MTCL1: variants seen among roughly 807,000 people sequenced by gnomAD.
The protein encoded by MTCL1 is microtubule cross-linking factor 1.
MTCL1 carries 79 observed loss-of-function variants against 141.4 expected under a neutral mutation model. That is an observed-to-expected ratio of 0.56 (90% CI 0.47 to 0.67). MTCL1 has a LOEUF of 0.67. Among genes scored for constraint, MTCL1 ranks in the 30% least tolerant of loss-of-function variants. The pLI, the probability that MTCL1 is intolerant of heterozygous loss-of-function variation, is 0.00. For synonymous variants in MTCL1, 914 were observed against 875.8 expected (o/e 1.04, Z -0.77); for missense variants, 2,177 against 2,113.9 (o/e 1.03, Z -0.59).
chr18:8,832,070 G>T, exon 17 of MTCL1: 2 of 509,244 alleles, frequency 3.9e-6, no homozygotes, highest in Non-Finnish European at 6.9e-6. Context: ...TATATTAAAC[G>T]AAAAGGTAAA....
chr18:8,752,984 C>T (rs1598493562), intron 4 of MTCL1, among the ~76,000 whole-genome samples: 1 of 152,288 alleles, frequency 6.6e-6, no homozygotes, highest in East Asian at 1.9e-4. Flanking sequence ...CATGGCCATC[C>T]TGACCTGCTC....
exon 7 of MTCL1, chr18:8,785,986 C>T (rs754073208): frequency 1.1e-5 from 18 of 1,605,500 alleles, no homozygotes; most frequent in South Asian, 2.2e-5. Context: ...CCCGAGGGGA[C>T]GAGCGGGAGA....
At chr18:8,784,471 C>T (rs2096543774) in exon 6 of MTCL1, 1 of 1,556,876 alleles carries the variant, frequency 6.4e-7, no homozygotes, top group African/African-American at 1.4e-5. Flanking sequence ...ACTCTGAGTA[C>T]CTAGTGACCC....
intron 10 of MTCL1, among the ~76,000 whole-genome samples, chr18:8,803,587 C>T (rs1487313191): frequency 1.8e-4 from 27 of 152,176 alleles, no homozygotes; most frequent in Admixed American, 1.8e-3. Context: ...ATGGCAGGAG[C>T]TTGCCTGGCT....
upstream of MTCL1, among the ~76,000 whole-genome samples, chr18:8,716,569 A>ATTTT (rs138840096): frequency 2.1e-3 from 223 of 103,824 alleles, no homozygotes; most frequent in Non-Finnish European, 3.2e-3. Flanking sequence ...CTTTTTGTTC[A>ATTTT]TTTTTTTTTT....
chr18:8,812,800 T>G (rs560616508), intron 11 of MTCL1, 179 bp from the exon 11 acceptor site: 2 of 721,396 alleles, frequency 2.8e-6, no homozygotes, highest in South Asian at 4.1e-5. Flanking sequence ...TAACATTCTT[T>G]GTGACTGTGT....
chr18:8,812,843 A>C, intron 11 of MTCL1, 136 bp from the exon 11 acceptor site: 1 of 1,121,636 alleles, frequency 8.9e-7, no homozygotes, highest in Non-Finnish European at 1.3e-6. Context: ...TAAAAATAAA[A>C]TTTGTTTATA....
chr18:8,761,837 A>G (rs180994424), intron 4 of MTCL1, among the ~76,000 whole-genome samples: 3 of 152,290 alleles, frequency 2.0e-5, no homozygotes, highest in East Asian at 1.9e-4. Flanking sequence ...CCATGATTCA[A>G]TTACCTCCCT....
At chr18:8,769,993 C>G (rs2096478130) in intron 4 of MTCL1, among the ~76,000 whole-genome samples, 1 of 152,210 alleles carries the variant, frequency 6.6e-6, no homozygotes, top group Admixed American at 6.5e-5. Flanking sequence ...TATAATAGTC[C>G]TTTGTGCTCT....
chr18:8,766,910 C>A (rs534207977), intron 4 of MTCL1, among the ~76,000 whole-genome samples: 6 of 152,306 alleles, frequency 3.9e-5, no homozygotes, highest in African/African-American at 1.4e-4. Flanking sequence ...CATTCCCAGC[C>A]CTCACTGGCT....
At chr18:8,746,024 C>G (rs2096335476) in intron 4 of MTCL1, among the ~76,000 whole-genome samples, 1 of 152,216 alleles carries the variant, frequency 6.6e-6, no homozygotes, top group African/African-American at 2.4e-5. Context: ...TTTCGCTTAG[C>G]ATAATGTCCT....
intron 10 of MTCL1, among the ~76,000 whole-genome samples, chr18:8,798,498 C>G (rs147901777): frequency 9.8e-5 from 15 of 152,342 alleles, no homozygotes; most frequent in Middle Eastern, 6.8e-3. Context: ...TGTCAGCCCA[C>G]TCTTTCATTT....
At chr18:8,776,384 T>C (rs565923380) in intron 4 of MTCL1, among the ~76,000 whole-genome samples, 2 of 152,298 alleles carry the variant, frequency 1.3e-5, no homozygotes, top group African/African-American at 4.8e-5. Context: ...CTTCACACTT[T>C]CCCTTTGCAG....
rs1212451814 is a variant in MTCL1, at chr18:8,779,654, T to TC, written c.417+1764dup. 6.6e-6 allele frequency among the ~76,000 whole-genome samples: 1 copy of TC among 152,034 alleles called. No homozygotes were observed. The highest frequency in any genetic ancestry group is 2.4e-5 in the African/African-American group (1 of 41,398). On this transcript the variant is annotated intron_variant, in intron 5 of 16. Transcript: ENST00000359865. The surrounding 1 kb of genome is among the most constrained non-coding windows in gnomAD (Gnocchi z 4.1). ...CTCGACCTCACGGAAGACGTCTGACTCCTTCATTTAATATACACTCTCCCA... is the reference window on the plus strand; with the variant it reads ...CTCGACCTCACGGAAGACGTCTGACTCCCTTCATTTAATATACACTCTCCCA...
At chr18:8,738,313 C>T (rs1217394211) in intron 4 of MTCL1, among the ~76,000 whole-genome samples, 1 of 152,196 alleles carries the variant, frequency 6.6e-6, no homozygotes, top group Non-Finnish European at 1.5e-5. Context: ...ATGGGTATTA[C>T]ACATGTGTTT....
intron 4 of MTCL1, among the ~76,000 whole-genome samples, chr18:8,731,572 C>T (rs2096250952): frequency 6.6e-6 from 1 of 151,888 alleles, no homozygotes; most frequent in Non-Finnish European, 1.5e-5. Flanking sequence ...GAGACTTCGT[C>T]TCAAGAAAAA....
intron 7 of MTCL1, chr18:8,786,426 A>T (rs1370511634): frequency 7.6e-6 from 4 of 522,940 alleles, no homozygotes; most frequent in Non-Finnish European, 1.5e-5. Flanking sequence ...GAAAGAAGGG[A>T]TGAAAACCCA....
At chr18:8,824,425 A>G (rs1410412664) in intron 14 of MTCL1, among the ~76,000 whole-genome samples, 7 of 152,308 alleles carry the variant, frequency 4.6e-5, no homozygotes, top group Middle Eastern at 6.8e-3. Flanking sequence ...TTGGCCTCCC[A>G]AAGTGTTGGG....
intron 10 of MTCL1, chr18:8,801,586 A>G (rs1369567442): frequency 6.6e-6 from 1 of 152,154 alleles, no homozygotes; most frequent in Non-Finnish European, 1.5e-5. Flanking sequence ...TGGGTGCTTG[A>G]TGAAAGGACT....
Sources: allele counts gnomAD v4.1 joint callset (sites outside exome capture counted in the v4.1 genomes callset), GRCh38; gene constraint gnomAD v4.1.1; non-coding constraint Gnocchi (gnomAD v3.1); transcripts MANE v1.5; gene names NCBI Gene and HGNC (gene_info 2026-07-23, HGNC 2026-07-21).